PTPRD: variants seen among roughly 807,000 people sequenced by gnomAD.
The protein encoded by PTPRD is protein tyrosine phosphatase receptor type D, also known as receptor-type tyrosine-protein phosphatase delta.
In PTPRD, 34 loss-of-function variants were observed where a neutral mutation model predicts 214.5. The observed-to-expected ratio is 0.16, with a 90% confidence interval of 0.12 to 0.21. The LOEUF (loss-of-function observed/expected upper bound fraction) is 0.21, where lower values mean the gene tolerates loss of function less well. Ranked by LOEUF, PTPRD falls within the 10% of genes least tolerant of loss-of-function variation. PTPRD has a pLI of 1.00. For missense variants in PTPRD, 2,545 were observed against 2,398.7 expected (o/e 1.06, Z -1.27); for synonymous variants, 1,128 against 845.7 (o/e 1.33, Z -5.79).
At chr9:9,545,364 G>A (rs779441400) in intron 8 of PTPRD, among the ~76,000 whole-genome samples, 2 of 151,730 alleles carry the variant, frequency 1.3e-5, no homozygotes, top group East Asian at 2.0e-4. Context: ...CCACAGTTTC[G>A]TCTTTTCTAG....
At chr9:8,692,345 T>C (rs2097825300) in intron 12 of PTPRD, among the ~76,000 whole-genome samples, 1 of 152,142 alleles carries the variant, frequency 6.6e-6, no homozygotes, top group African/African-American at 2.4e-5. Context: ...GTTTCTTCCA[T>C]CTAGTGGTTC....
intron 10 of PTPRD, among the ~76,000 whole-genome samples, chr9:9,127,121 C>T (rs2099835222): frequency 6.6e-6 from 1 of 152,026 alleles, no homozygotes; most frequent in Non-Finnish European, 1.5e-5. Context: ...CACAGGTACC[C>T]ACACACACAC....
chr9:8,451,350 T>C (rs1409055309), intron 33 of PTPRD, among the ~76,000 whole-genome samples: 1 of 152,082 alleles, frequency 6.6e-6, no homozygotes, highest in Non-Finnish European at 1.5e-5. Flanking sequence ...TGCCAACCCA[T>C]TCCACCAATC....
intron 10 of PTPRD, among the ~76,000 whole-genome samples, chr9:9,058,056 G>C (rs2154398970): frequency 6.6e-6 from 1 of 152,196 alleles, no homozygotes; most frequent in Middle Eastern, 3.4e-3. Flanking sequence ...TGAGATTATA[G>C]GAAAAAATAA....
intron 2 of PTPRD, among the ~76,000 whole-genome samples, chr9:10,368,124 T>A (rs59781784): frequency 0.025 from 3,879 of 152,232 alleles, 175 homozygotes; most frequent in African/African-American, 0.089. Context: ...GGGCTATATG[T>A]GCTGCCTTTG....
chr9:10,090,606 C>T (rs1456221752), intron 3 of PTPRD, among the ~76,000 whole-genome samples: 1 of 127,846 alleles, frequency 7.8e-6, no homozygotes, highest in African/African-American at 3.2e-5. Flanking sequence ...CACTTGCAGC[C>T]CAAAAGATTA....
At chr9:8,352,430 T>C (rs2075770291) in intron 39 of PTPRD, among the ~76,000 whole-genome samples, 1 of 152,302 alleles carries the variant, frequency 6.6e-6, no homozygotes, top group South Asian at 2.1e-4. Context: ...TTGTAAACCA[T>C]ACCAGCTCAC....
At chr9:9,927,232 G>A (rs2084642678) in intron 5 of PTPRD, among the ~76,000 whole-genome samples, 1 of 152,080 alleles carries the variant, frequency 6.6e-6, no homozygotes, top group Non-Finnish European at 1.5e-5. Flanking sequence ...ACCCACTGCT[G>A]GAGGAGGAGC....
At chr9:10,333,418 C>A (rs1226806788) in intron 3 of PTPRD, among the ~76,000 whole-genome samples, 1 of 151,726 alleles carries the variant, frequency 6.6e-6, no homozygotes, top group Non-Finnish European at 1.5e-5. Flanking sequence ...GCTATTTTCT[C>A]TATTTCCTGC....
At chr9:9,715,425 C>T (rs571195151) in intron 7 of PTPRD, among the ~76,000 whole-genome samples, 2 of 151,692 alleles carry the variant, frequency 1.3e-5, no homozygotes, top group African/African-American at 2.4e-5. Context: ...CATTTCATAA[C>T]ATTAGTGATA....
chr9:9,734,141 G>T (rs1031144814), intron 7 of PTPRD, among the ~76,000 whole-genome samples: 2 of 152,056 alleles, frequency 1.3e-5, no homozygotes, highest in African/African-American at 4.8e-5. Flanking sequence ...CCCAATTTTT[G>T]TGTCAGCTCA....
rs138466960 is a variant in PTPRD, at chr9:8,464,951, G to A, written c.3714+515C>T. ...GACCTTCCTCATGAATCCGGGTAGAGGCACTGTGGTCTCACTTGGCAGATA... is the reference window on the plus strand; with the variant it reads ...GACCTTCCTCATGAATCCGGGTAGAAGCACTGTGGTCTCACTTGGCAGATA... On this transcript the variant is annotated intron_variant, in intron 32 of 45. Coordinates refer to ENST00000381196, the MANE Select transcript of PTPRD (RefSeq NM_002839.4). 1.8e-4 allele frequency among the ~76,000 whole-genome samples: 27 copies of A among 151,968 alleles called. 1 individual carries two copies. The South Asian group carries it at 3.7e-3, about 21-fold the overall frequency.
intron 12 of PTPRD, among the ~76,000 whole-genome samples, chr9:8,703,276 T>C (rs2098130399): frequency 6.6e-6 from 1 of 152,224 alleles, no homozygotes; most frequent in Admixed American, 6.5e-5. Context: ...AGTGCTCTTT[T>C]TTTGTTAAAT....
chr9:9,658,380 C>A (rs1055230734), intron 7 of PTPRD, among the ~76,000 whole-genome samples: 1 of 152,090 alleles, frequency 6.6e-6, no homozygotes, highest in African/African-American at 2.4e-5. Flanking sequence ...ACATTTAGTA[C>A]TTATAATGTA....
At chr9:10,103,483 AG>A (rs1406382087) in intron 3 of PTPRD, among the ~76,000 whole-genome samples, 2 of 150,214 alleles carry the variant, frequency 1.3e-5, no homozygotes, top group Admixed American at 1.3e-4. Flanking sequence ...TAGTCACAAA[AG>A]CTCACCCCAA....
At chr9:9,845,014 G>T (rs1385622194) in intron 5 of PTPRD, among the ~76,000 whole-genome samples, 1 of 142,510 alleles carries the variant, frequency 7.0e-6, no homozygotes, top group Non-Finnish European at 1.5e-5. Flanking sequence ...CTGAAATACT[G>T]TATGTATATA....
chr9:9,958,648 T>C (rs2094136266), intron 4 of PTPRD, among the ~76,000 whole-genome samples: 1 of 152,158 alleles, frequency 6.6e-6, no homozygotes, highest in Non-Finnish European at 1.5e-5. Context: ...AAAACACATA[T>C]CTGCCAAAAA....
At chr9:9,234,001 T>C (rs1381426420) in intron 9 of PTPRD, among the ~76,000 whole-genome samples, 1 of 152,120 alleles carries the variant, frequency 6.6e-6, no homozygotes, top group Non-Finnish European at 1.5e-5. Flanking sequence ...AAAGCTCCAC[T>C]AGGTAGTGCC....
intron 9 of PTPRD, among the ~76,000 whole-genome samples, chr9:9,226,738 T>C (rs141532945): frequency 1.3e-5 from 2 of 152,216 alleles, no homozygotes; most frequent in Non-Finnish European, 2.9e-5. Context: ...ATTTAAACTA[T>C]AAGCTGCATG....
Sources: gnomAD v4.1 joint callset for allele counts (sites outside exome capture counted in the v4.1 genomes callset) on GRCh38, gnomAD v4.1.1 for gene constraint, MANE v1.5 for transcripts, NCBI Gene and HGNC (gene_info 2026-07-23, HGNC 2026-07-21) for gene names.